DEPTOR: variants seen among roughly 807,000 people sequenced by gnomAD.
The protein encoded by DEPTOR is DEP domain-containing mTOR-interacting protein.
Under a neutral mutation model 41.6 loss-of-function variants are expected in DEPTOR, and 41 were observed. The observed-to-expected ratio is 0.98, with a 90% confidence interval of 0.77 to 1.28. DEPTOR has a LOEUF of 1.28. Among genes scored for constraint, DEPTOR ranks in the 50% most tolerant of loss-of-function variants. The probability of loss-of-function intolerance (pLI) is 0.00; values close to 1 mark genes in which losing one functional copy is unlikely to be tolerated. For missense variants in DEPTOR, 514 were observed against 527.9 expected (o/e 0.97, Z 0.26); for synonymous variants, 195 against 192.3 (o/e 1.01, Z -0.12).
chr8:119,894,545 C>T (rs56167041), intron 1 of DEPTOR, among the ~76,000 whole-genome samples: 226 of 152,040 alleles, frequency 1.5e-3, no homozygotes, highest in African/African-American at 4.1e-3. Flanking sequence ...TACAGGCACC[C>T]GCCACTATGC....
chr8:120,042,227 C>T (rs1418014988), intron 8 of DEPTOR, among the ~76,000 whole-genome samples: 2 of 152,108 alleles, frequency 1.3e-5, no homozygotes, highest in Non-Finnish European at 1.5e-5. Context: ...GGTAGTCACG[C>T]GTTCTGTGTG....
intron 1 of DEPTOR, among the ~76,000 whole-genome samples, chr8:119,909,588 A>G (rs978093053): frequency 1.3e-5 from 2 of 152,232 alleles, no homozygotes; most frequent in African/African-American, 4.8e-5. Flanking sequence ...TACAGATAAA[A>G]CCATTAATGT....
chr8:120,023,044 G>A (rs774461446), intron 8 of DEPTOR, among the ~76,000 whole-genome samples: 9 of 152,150 alleles, frequency 5.9e-5, no homozygotes, highest in Non-Finnish European at 1.2e-4. Context: ...CAGTTCTGGA[G>A]AATGGAAGTC....
In DEPTOR at chr8:120,040,440, G is replaced by A. The variant is rs558268451; in HGVS notation, c.1102-9136G>A. On this transcript the variant is annotated intron_variant, in intron 8 of 8. Coordinates refer to ENST00000286234, the MANE Select transcript of DEPTOR (RefSeq NM_022783.4). The stretch of plus-strand genomic sequence containing the variant: ...AAATACAAAAAATTAGCCGGGCGTG[G>A]TGGTGGGCGCCTGTAGTCCCAGCTA... Among the ~76,000 whole-genome samples the A allele has an allele frequency of 1.1e-3, 171 of 152,130 alleles. 2 individuals are homozygous for A. Among genetic ancestry groups the A allele is most frequent in the Admixed American group, 1.6e-3 (25 of 15,278 alleles).
At chr8:120,006,652 G>C (rs958242193) in intron 6 of DEPTOR, among the ~76,000 whole-genome samples, 153 bp from the exon 7 acceptor site, 2 of 151,330 alleles carry the variant, frequency 1.3e-5, no homozygotes, top group African/African-American at 4.9e-5. Context: ...GCTATTTACT[G>C]TCTCCATTCA....
intron 4 of DEPTOR, among the ~76,000 whole-genome samples, chr8:119,980,589 C>T (rs1375996456): frequency 6.6e-6 from 1 of 150,410 alleles, no homozygotes; most frequent in Non-Finnish European, 1.5e-5. Context: ...ACAATCTCGG[C>T]TCACTGCAAC....
intron 6 of DEPTOR, among the ~76,000 whole-genome samples, chr8:120,004,318 A>T (rs533366047): frequency 6.6e-6 from 1 of 152,312 alleles, no homozygotes; most frequent in East Asian, 1.9e-4. Context: ...TAAGTGAATG[A>T]AGAAGCTTGC....
chr8:119,971,770 C>T (rs1192552326), intron 4 of DEPTOR, among the ~76,000 whole-genome samples: 1 of 152,148 alleles, frequency 6.6e-6, no homozygotes, highest in African/African-American at 2.4e-5. Context: ...GTGTCTGTTT[C>T]TGAGTCCTAA....
intron 6 of DEPTOR, among the ~76,000 whole-genome samples, chr8:120,004,609 T>C (rs1812405292): frequency 6.6e-6 from 1 of 152,172 alleles, no homozygotes; most frequent in African/African-American, 2.4e-5. Flanking sequence ...CCATGTTCCC[T>C]GAGGTAGGTT....
intron 4 of DEPTOR, among the ~76,000 whole-genome samples, chr8:119,971,616 C>T (rs994583940): frequency 2.6e-5 from 4 of 152,122 alleles, no homozygotes; most frequent in Non-Finnish European, 4.4e-5. Flanking sequence ...TTTGGCAGGT[C>T]CAGACTTAGG....
At chr8:120,019,253 C>G (rs566145448) in intron 8 of DEPTOR, among the ~76,000 whole-genome samples, 1 of 151,976 alleles carries the variant, frequency 6.6e-6, no homozygotes, top group African/African-American at 2.4e-5. Flanking sequence ...TGCAGTGAGC[C>G]GAGATTGCGC....
chr8:119,913,064 G>A (rs2129792301), intron 1 of DEPTOR, among the ~76,000 whole-genome samples: 1 of 152,224 alleles, frequency 6.6e-6, no homozygotes, highest in African/African-American at 2.4e-5. Flanking sequence ...GGGATTACAG[G>A]CACCTACCAC....
At chr8:120,035,625 G>A (rs7830028) in intron 8 of DEPTOR, among the ~76,000 whole-genome samples, 66,807 of 151,930 alleles carry the variant, frequency 0.44, 15,601 homozygotes, top group African/African-American at 0.59. Flanking sequence ...TCCGCCTCCC[G>A]GGTTCAAGTG....
At chr8:119,889,715 G>T (rs1244161233) in intron 1 of DEPTOR, among the ~76,000 whole-genome samples, 3 of 150,002 alleles carry the variant, frequency 2.0e-5, no homozygotes, top group Non-Finnish European at 3.0e-5. Context: ...AGGGAAAGCA[G>T]TGCAGGGCAA....
rs767888385 is a variant in DEPTOR at position 119,965,317 on chromosome 8, C to T, written c.511C>T (p.Leu171=). The T allele has an allele frequency of 5.0e-6, 8 of 1,614,114 alleles. No individual in the cohort carries two copies. In the South Asian group the frequency reaches 8.8e-5, roughly 18 times the overall value. The part of the protein sequence containing the change: ...YERTFMASEF[L]DWLVQEGEAT... ...GCGCACCTTCATGGCATCTGAATTCCTGGACTGGCTGGTTCAGGAAGGTGA... is the reference window on the plus strand; with the variant it reads ...GCGCACCTTCATGGCATCTGAATTCTTGGACTGGCTGGTTCAGGAAGGTGA... The change falls in exon 4 of 9, where the codon CTG becomes TTG. Residue 171 remains leucine (L), a synonymous_variant. Coordinates refer to ENST00000286234, the MANE Select transcript of DEPTOR (RefSeq NM_022783.4).
intron 8 of DEPTOR, among the ~76,000 whole-genome samples, chr8:120,012,880 G>C (rs1812551912): frequency 6.6e-6 from 1 of 151,874 alleles, no homozygotes; most frequent in Admixed American, 6.6e-5. Context: ...TGGGAGGCCA[G>C]GCTCAGTGGC....
At chr8:119,883,036 G>A (rs533025137) in intron 1 of DEPTOR, among the ~76,000 whole-genome samples, 1 of 152,116 alleles carries the variant, frequency 6.6e-6, no homozygotes, top group South Asian at 2.1e-4. Flanking sequence ...CAGATAGGAT[G>A]CTTGCAAGGT....
intron 3 of DEPTOR, among the ~76,000 whole-genome samples, chr8:119,964,966 G>A (rs541418420): frequency 1.1e-3 from 167 of 151,930 alleles, no homozygotes; most frequent in African/African-American, 3.8e-3. Context: ...CCAGCTATTC[G>A]GGAGATCAAG....
chr8:119,940,508 G>A (rs1828188701), intron 3 of DEPTOR, among the ~76,000 whole-genome samples: 1 of 152,176 alleles, frequency 6.6e-6, no homozygotes, highest in South Asian at 2.1e-4. Context: ...CACTTTGGGA[G>A]GCCAAGGTGG....
Sources: allele counts gnomAD v4.1 joint callset (sites outside exome capture counted in the v4.1 genomes callset), GRCh38; gene constraint gnomAD v4.1.1; transcripts MANE v1.5; gene names NCBI Gene and HGNC (gene_info 2026-07-23, HGNC 2026-07-21).